Variants in PHF20 observed in about 807,000 individuals in gnomAD.
PHF20 encodes the protein glioma-expressed antigen 2.
PHF20 carries 23 observed loss-of-function variants against 113.5 expected under a neutral mutation model. That is an observed-to-expected ratio of 0.20 (90% confidence interval 0.15 to 0.29). The LOEUF (loss-of-function observed/expected upper bound fraction) is 0.29. Among genes scored for constraint, PHF20 ranks in the 10% least tolerant of loss-of-function variants. PHF20 has a pLI of 1.00. For synonymous variants in PHF20, 434 were observed against 457.3 expected (o/e 0.95, Z 0.65); for missense variants, 943 against 1,219.6 (o/e 0.77, Z 3.38).
chr20:35,847,584 G>A (rs1329675322), intron 4 of PHF20, 150 bp downstream of exon 4: 3 of 557,202 alleles, frequency 5.4e-6, no homozygotes, highest in Non-Finnish European at 9.6e-6. Flanking sequence ...TCAGGAGTTG[G>A]GTAGAAATTA....
chr20:35,808,016 A>T (rs974121171), intron 2 of PHF20, among the ~76,000 whole-genome samples: 5 of 152,070 alleles, frequency 3.3e-5, no homozygotes, highest in African/African-American at 1.2e-4. Flanking sequence ...GAAGGGGGAA[A>T]AGGGTGGGAA....
chr20:35,854,061 A>AC (rs368629380), intron 4 of PHF20, among the ~76,000 whole-genome samples: 2 of 151,936 alleles, frequency 1.3e-5, no homozygotes, highest in South Asian at 2.1e-4. Flanking sequence ...GCCGATGAAG[A>AC]CCCTGTTTCT....
intron 6 of PHF20, among the ~76,000 whole-genome samples, chr20:35,864,432 A>ACC (rs1226648262): frequency 6.6e-6 from 1 of 151,678 alleles, no homozygotes; most frequent in East Asian, 1.9e-4. Flanking sequence ...ACACACACAC[A>ACC]CACACACACA....
At position 35,861,941 on chromosome 20, in the gene PHF20, T is replaced by C. The variant is rs541330768; in HGVS notation, c.421-1072T>C. Among the ~76,000 whole-genome samples the C allele has an allele frequency of 1.4e-3, 214 of 152,284 alleles. 2 individuals carry two copies. Among genetic ancestry groups the C allele is most frequent in the African/African-American group, 5.0e-3 (207 of 41,562 alleles). On this transcript the variant is annotated intron_variant, in intron 5 of 17. Transcript: ENST00000374012. ...AGGTGCTGGGCATCCCATATGAACA[T>C]AGTATGGTGGTCTCTGCTCTTTTGA...
chr20:35,796,170 G>A lies in PHF20; in HGVS notation c.-32-5321G>A, dbSNP rs539633507. The stretch of plus-strand genomic sequence containing the variant: ...CAGACTATACATTTTTTTTTTATGC[G>A]GGTTTTGTTAGTTTGGATAAGGTTA... On this transcript the variant is annotated intron_variant, in intron 1 of 17. Transcript: ENST00000374012. Among the ~76,000 whole-genome samples the A allele has an allele frequency of 5.9e-5, 9 of 151,898 alleles. No homozygotes were observed. In the South Asian group the frequency reaches 1.2e-3, roughly 21 times the overall value.
At chr20:35,818,999 C>T (rs555628677) in intron 2 of PHF20, among the ~76,000 whole-genome samples, 4 of 151,980 alleles carry the variant, frequency 2.6e-5, no homozygotes, top group South Asian at 2.1e-4. Context: ...GGCCCTATCT[C>T]GGTTCACTGC....
intron 2 of PHF20, among the ~76,000 whole-genome samples, chr20:35,814,892 A>AAATAAATAAAT (rs752701246): frequency 9.1e-6 from 1 of 110,182 alleles, no homozygotes; most frequent in Non-Finnish European, 1.9e-5. Flanking sequence ...AAAAAAAAAT[A>AAATAAATAAAT]AAATAAATAA....
chr20:35,912,990 A>G (rs1483168519), intron 10 of PHF20, among the ~76,000 whole-genome samples: 2 of 152,224 alleles, frequency 1.3e-5, no homozygotes, highest in South Asian at 2.1e-4. Flanking sequence ...CTGCTGTTGA[A>G]GTGTGAAAGA....
intron 9 of PHF20, among the ~76,000 whole-genome samples, chr20:35,876,117 A>G (rs1378903644): frequency 6.6e-6 from 1 of 152,156 alleles, no homozygotes; most frequent in East Asian, 1.9e-4. Context: ...AACCATTGCA[A>G]CTGATTGAAG....
intron 9 of PHF20, among the ~76,000 whole-genome samples, chr20:35,879,783 C>CA (rs58553871): frequency 0.15 from 16,548 of 107,952 alleles, 1,061 homozygotes; most frequent in Middle Eastern, 0.2. Flanking sequence ...CCCATCTCTC[C>CA]AAAAAAAAAA....
chr20:35,804,229 GTTTT>G (rs1216930263), intron 2 of PHF20, among the ~76,000 whole-genome samples: 1 of 99,580 alleles, frequency 1.0e-5, no homozygotes, highest in Non-Finnish European at 1.9e-5. Flanking sequence ...GCTACTGTAT[GTTTT>G]TTTTTTTTTT....
At chr20:35,939,215 T>A in intron 16 of PHF20, 107 bp downstream of exon 16, 1 of 1,255,082 alleles carries the variant, frequency 8.0e-7, no homozygotes, top group Non-Finnish European at 1.1e-6. Flanking sequence ...AAACTGTATT[T>A]AAATTTGCTT....
intron 1 of PHF20, among the ~76,000 whole-genome samples, chr20:35,795,905 C>T (rs1218905031): frequency 6.6e-6 from 1 of 152,020 alleles, no homozygotes; most frequent in Admixed American, 6.6e-5. Context: ...GGCTGGAGTG[C>T]AGTCGTGTGA....
chr20:35,928,977 T>C (rs993484399), intron 14 of PHF20, among the ~76,000 whole-genome samples: 2 of 152,204 alleles, frequency 1.3e-5, no homozygotes, highest in Non-Finnish European at 2.9e-5. Flanking sequence ...ATTGTAAATA[T>C]GCAGTTCATT....
In PHF20 at chr20:35,804,015, G is replaced by GTTTTATTGT. The variant is rs1168551822; in HGVS notation, c.83+2411_83+2419dup. On this transcript the variant is annotated intron_variant, in intron 2 of 17. Coordinates refer to ENST00000374012, the MANE Select transcript of PHF20 (RefSeq NM_016436.5). ...GACTACATCTTAACTTCTGTATAGA[G>GTTTTATTGT]TTTTATTGTATGAATATACCACATT... Among the ~76,000 whole-genome samples the GTTTTATTGT allele has an allele frequency of 2.6e-5, 4 of 151,764 alleles. No individual in the cohort carries two copies. In the East Asian group the frequency reaches 7.8e-4, roughly 29 times the overall value.
chr20:35,927,869 A>G lies in PHF20; in HGVS notation c.2094A>G (p.Gln698=). Residue 698 remains glutamine, a synonymous_variant, in exon 14 of 18, where the codon CAA becomes CAG. Coordinates refer to ENST00000374012, the MANE Select transcript of PHF20 (RefSeq NM_016436.5). The part of the protein sequence containing the change: ...VPEKYTCYVC[Q]DPPGQRPGFK... The stretch of plus-strand genomic sequence containing the variant: ...AGAAATACACCTGTTATGTTTGCCA[A>G]GACCCTCCAGGTAGAGATTTCTGGA... The G allele has an allele frequency of 6.2e-7, 1 of 1,611,462 alleles. No homozygotes were observed. The highest frequency in any genetic ancestry group is 8.5e-7 in the Non-Finnish European group (1 of 1,177,520).
intron 6 of PHF20, 125 bp downstream of exon 6, chr20:35,863,525 G>C (rs2054258298): frequency 3.0e-6 from 3 of 1,003,724 alleles, no homozygotes; most frequent in Non-Finnish European, 4.3e-6. Context: ...ATTGTCTTAT[G>C]ATCTGGAAAC....
At chr20:35,865,048 C>A (rs2054290126) in intron 6 of PHF20, among the ~76,000 whole-genome samples, 1 of 151,752 alleles carries the variant, frequency 6.6e-6, no homozygotes, top group Non-Finnish European at 1.5e-5. Context: ...ACAAATTAGC[C>A]AGGCTTGGTG....
chr20:35,843,876 G>A (rs755169972), intron 3 of PHF20, among the ~76,000 whole-genome samples: 1 of 152,094 alleles, frequency 6.6e-6, no homozygotes, highest in Non-Finnish European at 1.5e-5. Flanking sequence ...GTCCTGCAGA[G>A]TCTTTTATAA....
Sources: gnomAD v4.1 joint callset for allele counts (sites outside exome capture counted in the v4.1 genomes callset) on GRCh38, gnomAD v4.1.1 for gene constraint, MANE v1.5 for transcripts, NCBI Gene and HGNC (gene_info 2026-07-23, HGNC 2026-07-21) for gene names.